Variants in BRINP3 observed in about 807,000 individuals in gnomAD.
BRINP3 encodes BMP/retinoic acid-inducible neural-specific protein 3.
BRINP3 carries 19 observed loss-of-function variants against 71.0 expected under a neutral mutation model. That is an observed-to-expected ratio of 0.27 (90% confidence interval 0.19 to 0.39). The LOEUF is 0.39. Among genes scored for constraint, BRINP3 ranks in the 10% least tolerant of loss-of-function variants. The pLI is 1.00. For synonymous variants in BRINP3, 380 were observed against 337.7 expected, an observed-to-expected ratio of 1.13 and a Z score of -1.37; for missense variants, 959 against 940.8, an observed-to-expected ratio of 1.02 and a Z score of -0.25.
At chr1:190,428,257 C>T (rs1673854718) in intron 2 of BRINP3, among the ~76,000 whole-genome samples, 2 of 151,750 alleles carry the variant, frequency 1.3e-5, no homozygotes. Flanking sequence ...CTCTAAATTG[C>T]GTTGTTTTAA....
At chr1:190,371,522 C>T (rs1669865013) in intron 2 of BRINP3, among the ~76,000 whole-genome samples, 1 of 152,090 alleles carries the variant, frequency 6.6e-6, no homozygotes, top group African/African-American at 2.4e-5. Context: ...ATTGCCTTTC[C>T]ATTGGCCACT....
At chr1:190,322,678 T>C (rs969553174) in intron 2 of BRINP3, among the ~76,000 whole-genome samples, 5 of 152,054 alleles carry the variant, frequency 3.3e-5, no homozygotes, top group African/African-American at 1.2e-4. Flanking sequence ...CTTCCCAACA[T>C]ACTTCTCAGA....
chr1:190,362,158 C>T (rs922008950), intron 2 of BRINP3: 4 of 152,158 alleles, frequency 2.6e-5, no homozygotes, highest in Admixed American at 2.0e-4. Context: ...TCTCAGACTT[C>T]CAGATTTCTG....
chr1:190,181,964 G>A lies in BRINP3; in HGVS notation c.962-21074C>T, dbSNP rs574973228. Among the ~76,000 whole-genome samples, 275 of 151,974 alleles carry A rather than the reference G, an allele frequency of 1.8e-3. 3 individuals are homozygous for A. Among genetic ancestry groups the A allele is most frequent in the African/African-American group, 6.2e-3 (256 of 41,500 alleles). On this transcript the variant is annotated intron_variant, in intron 6 of 7. Coordinates refer to ENST00000367462, the MANE Select transcript of BRINP3 (RefSeq NM_199051.3). ...TACTAAAATCCATTCAATTTCAGAA[G>A]ATTTTTGCTTGATATTGAATCATAG...
At chr1:190,276,214 A>C (rs1662540797) in intron 3 of BRINP3, among the ~76,000 whole-genome samples, 1 of 151,680 alleles carries the variant, frequency 6.6e-6, no homozygotes, top group South Asian at 2.1e-4. Flanking sequence ...TCTTTAAGAA[A>C]TAAATTATTT....
intron 7 of BRINP3, chr1:190,154,237 G>C (rs1656671029): frequency 6.0e-6 from 1 of 165,688 alleles, no homozygotes; most frequent in Non-Finnish European, 1.2e-5. Context: ...ATACAGGTGT[G>C]ATGCAGCATG....
chr1:190,274,765 A>G (rs901493546), intron 3 of BRINP3, among the ~76,000 whole-genome samples: 1 of 151,606 alleles, frequency 6.6e-6, no homozygotes, highest in Non-Finnish European at 1.5e-5. Context: ...GCCTGGTGAG[A>G]TCTATCTACT....
At chr1:190,187,624 A>C (rs1653648048) in intron 6 of BRINP3, among the ~76,000 whole-genome samples, 1 of 152,114 alleles carries the variant, frequency 6.6e-6, no homozygotes, top group Non-Finnish European at 1.5e-5. Flanking sequence ...AACACTATTT[A>C]TTGAAGACTG....
intron 2 of BRINP3, among the ~76,000 whole-genome samples, chr1:190,330,061 G>T (rs1332056374): frequency 2.6e-5 from 4 of 151,826 alleles, no homozygotes; most frequent in African/African-American, 7.3e-5. Context: ...ATATCATTCT[G>T]GTCATTTTCC....
At chr1:190,399,211 T>TA (rs1671773093) in intron 2 of BRINP3, among the ~76,000 whole-genome samples, 1 of 152,010 alleles carries the variant, frequency 6.6e-6, no homozygotes, top group Admixed American at 6.6e-5. Context: ...TGTTTTTAAT[T>TA]AAAAACACAC....
intron 6 of BRINP3, among the ~76,000 whole-genome samples, chr1:190,197,857 T>C (rs1654629891): frequency 6.6e-6 from 1 of 152,132 alleles, no homozygotes; most frequent in South Asian, 2.1e-4. Context: ...CACTAGGCAG[T>C]TTTCCAGTAG....
chr1:190,474,119 C>A (rs1433439767), intron 1 of BRINP3, among the ~76,000 whole-genome samples: 1 of 152,164 alleles, frequency 6.6e-6, no homozygotes, highest in Non-Finnish European at 1.5e-5. Flanking sequence ...TTATACATTT[C>A]TTCTTCTAAC....
intron 2 of BRINP3, among the ~76,000 whole-genome samples, chr1:190,333,927 T>A (rs1032693989): frequency 2.0e-4 from 31 of 151,992 alleles, no homozygotes; most frequent in African/African-American, 7.5e-4. Flanking sequence ...CAAATATTCA[T>A]AGGGCTCTTA....
chr1:190,124,392 C>T (rs2102329309), intron 7 of BRINP3, among the ~76,000 whole-genome samples: 1 of 152,246 alleles, frequency 6.6e-6, no homozygotes. Flanking sequence ...GTCAGTGGAA[C>T]TCTGTTAATA....
intron 7 of BRINP3, among the ~76,000 whole-genome samples, chr1:190,122,359 C>A (rs771749775): frequency 5.3e-5 from 8 of 152,038 alleles, no homozygotes; most frequent in East Asian, 1.9e-4. Flanking sequence ...GAAATAGGGT[C>A]TTTGCAGATA....
intron 7 of BRINP3, among the ~76,000 whole-genome samples, chr1:190,117,101 T>C (rs1653203302): frequency 6.6e-6 from 1 of 152,050 alleles, no homozygotes; most frequent in African/African-American, 2.4e-5. Flanking sequence ...AAAGTGTAAA[T>C]CCTTTTGTAA....
intron 6 of BRINP3, among the ~76,000 whole-genome samples, chr1:190,186,012 A>G (rs1653484477): frequency 6.6e-6 from 1 of 152,176 alleles, no homozygotes; most frequent in East Asian, 1.9e-4. Context: ...TTATGAAAAT[A>G]TCCCTGTGTA....
At chr1:190,455,366 G>T (rs1675915225) in intron 1 of BRINP3, among the ~76,000 whole-genome samples, 1 of 152,048 alleles carries the variant, frequency 6.6e-6, no homozygotes. Flanking sequence ...TGCTTTAAAT[G>T]AAGCAAAGAT....
At position 190,466,625 on chromosome 1, in the gene BRINP3, G is replaced by A. The variant is rs1676769014; in HGVS notation, c.-51+10823C>T. The stretch of plus-strand genomic sequence containing the variant: ...CAACATTTTTAACCGAGGAATGTGT[G>A]TTACAAATATTATTAGTAAACCCCT... On this transcript the variant is annotated intron_variant, in intron 1 of 7. Coordinates refer to ENST00000367462, the MANE Select transcript of BRINP3 (RefSeq NM_199051.3). Among the ~76,000 whole-genome samples, 6 of 151,718 alleles carry A rather than the reference G, an allele frequency of 4.0e-5. No homozygotes were observed. In the South Asian group the frequency reaches 1.0e-3, roughly 26 times the overall value.
Sources: gnomAD v4.1 joint callset for allele counts (sites outside exome capture counted in the v4.1 genomes callset) on GRCh38, gnomAD v4.1.1 for gene constraint, MANE v1.5 for transcripts, NCBI Gene and HGNC (gene_info 2026-07-23, HGNC 2026-07-21) for gene names.